Variants in FNIP2 observed in about 807,000 individuals in gnomAD.
The protein encoded by FNIP2 is folliculin interacting protein 2.
Under a neutral mutation model 108.7 loss-of-function variants are expected in FNIP2, and 32 were observed. The ratio of observed to expected loss-of-function variants is 0.29; its 90% confidence interval spans 0.22 to 0.40. FNIP2 has a LOEUF of 0.40. FNIP2 is among the 10% of genes least tolerant of loss of function. FNIP2 has a pLI of 1.00. For missense variants in FNIP2, 1,202 were observed against 1,381.6 expected (o/e 0.87, Z 2.06); for synonymous variants, 480 against 496.7 (o/e 0.97, Z 0.45).
Position 158,803,204 on chromosome 4 carries a change from A to G in FNIP2, c.108-22712A>G, listed in dbSNP as rs79874042. On this transcript the variant is annotated intron_variant, in intron 1 of 16. Transcript: ENST00000264433. ...CTTTGGATAACCCAAATTATCTTCTATGATACATGGATGAACTGTAGAAAG... is the reference window on the plus strand; with the variant it reads ...CTTTGGATAACCCAAATTATCTTCTGTGATACATGGATGAACTGTAGAAAG... Among the ~76,000 whole-genome samples, 419 of 152,356 alleles carry G rather than the reference A, an allele frequency of 2.8e-3. 3 individuals are homozygous for G. The highest frequency in any genetic ancestry group is 9.6e-3 in the African/African-American group (398 of 41,580).
chr4:158,839,912 A>G (rs977116949), intron 7 of FNIP2, among the ~76,000 whole-genome samples: 1 of 152,244 alleles, frequency 6.6e-6, no homozygotes, highest in African/African-American at 2.4e-5. Flanking sequence ...AAGCTGGGGC[A>G]GGTATGGAGG....
chr4:158,898,659 G>A (rs192082722), intron 16 of FNIP2, among the ~76,000 whole-genome samples: 16 of 152,278 alleles, frequency 1.1e-4, no homozygotes, highest in African/African-American at 2.2e-4. Flanking sequence ...GTATAGGAAC[G>A]CATGTGATTT....
In FNIP2 at chr4:158,869,251, G is replaced by A. The variant is rs2126705402; in HGVS notation, c.2615G>A (p.Cys872Tyr). The A allele has an allele frequency of 4.3e-6, 7 of 1,614,012 alleles. No individual in the cohort carries two copies. In the East Asian group the frequency reaches 1.1e-4, roughly 26 times the overall value. The change falls in exon 13 of 17, where the codon TGT (cysteine) becomes TAT (tyrosine). Residue 872 changes from cysteine to tyrosine, a missense_variant. By Grantham distance (194) the Cys-to-Tyr change is radical (BLOSUM62 -2). Transcript: ENST00000264433. Reference sequence around the variant, plus strand: ...CTCGTGGCTGGTGCGAATATCCCCTGTGGGGATGACAACAAGAAGGCCAAC... The same window carrying A: ...CTCGTGGCTGGTGCGAATATCCCCTATGGGGATGACAACAAGAAGGCCAAC... ...PGLVAGANIP[C>Y]GDDNKKANFR...
intron 7 of FNIP2, among the ~76,000 whole-genome samples, chr4:158,847,192 C>T (rs563945047): frequency 6.6e-6 from 1 of 152,318 alleles, no homozygotes; most frequent in Admixed American, 6.5e-5. Context: ...ACTGCAACTC[C>T]TGGGCCAGTT....
intron 16 of FNIP2, among the ~76,000 whole-genome samples, chr4:158,896,655 C>A (rs903632409): frequency 1.3e-5 from 2 of 152,096 alleles, no homozygotes; most frequent in African/African-American, 4.8e-5. Flanking sequence ...GAATGTGACG[C>A]CTGTGTTGTT....
At chr4:158,890,455 CAG>C in intron 14 of FNIP2, 1 of 679,472 alleles carries the variant, frequency 1.5e-6, no homozygotes, top group Non-Finnish European at 1.8e-6. Flanking sequence ...CTGCACAGGA[CAG>C]AGTCCAAGAC....
chr4:158,876,873 TG>T (rs1401427441), intron 14 of FNIP2, among the ~76,000 whole-genome samples: 2 of 152,218 alleles, frequency 1.3e-5, no homozygotes, highest in East Asian at 3.8e-4. Context: ...TAGACATGCC[TG>T]CAGCTCTGTG....
At chr4:158,832,472 C>T (rs1445726467) in intron 5 of FNIP2, among the ~76,000 whole-genome samples, 1 of 152,162 alleles carries the variant, frequency 6.6e-6, no homozygotes, top group Non-Finnish European at 1.5e-5. Context: ...AACTTAAACT[C>T]ATTTTGGCAT....
intron 12 of FNIP2, among the ~76,000 whole-genome samples, chr4:158,866,221 C>CTTTTTTTTTTTTTTTTTTTTTTTTT (rs34074378): frequency 1.7e-5 from 1 of 59,764 alleles, no homozygotes; most frequent in Non-Finnish European, 2.8e-5. Context: ...TCTGGTTATT[C>CTTTTTTTTTTTTTTTTTTTTTTTTT]TTTTTTTTTT....
At chr4:158,865,481 TA>T (rs1780527414) in intron 12 of FNIP2, among the ~76,000 whole-genome samples, 1 of 152,242 alleles carries the variant, frequency 6.6e-6, no homozygotes, top group Non-Finnish European at 1.5e-5. Context: ...TAAATGATTA[TA>T]AATTGTATTT....
rs548725930 is a variant in FNIP2 at position 158,833,861 on chromosome 4, G to A, written c.655+233G>A. ...GGGGTAGCTGAAGGAGGACCTCTCCGGCTCACCCGGAGTGCTTCTTTCTTT... is the reference window on the plus strand; with the variant it reads ...GGGGTAGCTGAAGGAGGACCTCTCCAGCTCACCCGGAGTGCTTCTTTCTTT... On this transcript the variant is annotated intron_variant, in intron 6 of 16. Transcript: ENST00000264433. The A allele has an allele frequency of 1.6e-5, 24 of 1,472,560 alleles. No individual in the cohort carries two copies. The Admixed American group carries it at 1.7e-4, about 10-fold the overall frequency. The allele number at this position is 1,472,560 out of a possible 1,614,324, so 91.2% of individuals were successfully genotyped here.
At chr4:158,889,343 C>T (rs1007190505) in intron 14 of FNIP2, among the ~76,000 whole-genome samples, 3 of 152,212 alleles carry the variant, frequency 2.0e-5, no homozygotes, top group Non-Finnish European at 4.4e-5. Flanking sequence ...TCTGATATAA[C>T]CTAAGCTTGC....
intron 8 of FNIP2, among the ~76,000 whole-genome samples, chr4:158,856,779 C>T (rs1218493301): frequency 1.3e-5 from 2 of 152,222 alleles, no homozygotes; most frequent in Non-Finnish European, 2.9e-5. Flanking sequence ...ATTTGCAGTA[C>T]AGCCTGTGTA....
chr4:158,822,562 A>AGTAAGT (rs1444919429), intron 1 of FNIP2, among the ~76,000 whole-genome samples: 4 of 152,084 alleles, frequency 2.6e-5, no homozygotes, highest in African/African-American at 9.7e-5. Context: ...CAGTGGTATG[A>AGTAAGT]TCATGGCTTA....
chr4:158,798,846 A>C (rs533084634), intron 1 of FNIP2, among the ~76,000 whole-genome samples: 1 of 152,364 alleles, frequency 6.6e-6, no homozygotes, highest in East Asian at 1.9e-4. Flanking sequence ...TAATGGCAAT[A>C]ATATGTATTT....
intron 1 of FNIP2, among the ~76,000 whole-genome samples, chr4:158,813,636 A>C (rs1777405499): frequency 6.6e-6 from 1 of 152,196 alleles, no homozygotes; most frequent in Non-Finnish European, 1.5e-5. Context: ...TTGTCTTCTC[A>C]TTCCCTTGAC....
Position 158,891,644 on chromosome 4 carries a change from T to C in FNIP2, c.3148T>C (p.Phe1050Leu). ...QLYKLHLPAD[F>L]CIMHLEDRLQ... ...CTATAAGCTTCACCTCCCTGCTGAT[T>C]TTGTAAGTACTGGTTCTTATATCAC... Residue 1050 changes from phenylalanine to leucine, a missense_variant and splice_region_variant, in exon 15 of 17, where the codon TTT (phenylalanine) becomes CTT (leucine). Phe to Leu is a conservative substitution (Grantham distance 22). Coordinates refer to ENST00000264433, the MANE Select transcript of FNIP2 (RefSeq NM_020840.3). The C allele has an allele frequency of 1.2e-6, 2 of 1,610,412 alleles. No individual in the cohort carries two copies. Among genetic ancestry groups the C allele is most frequent in the African/African-American group, 2.7e-5 (2 of 75,006 alleles).
intron 1 of FNIP2, among the ~76,000 whole-genome samples, chr4:158,787,519 A>G (rs1776262365): frequency 6.6e-6 from 1 of 152,232 alleles, no homozygotes; most frequent in Non-Finnish European, 1.5e-5. Flanking sequence ...CTACAGAGCT[A>G]GTTACCCATA....
intron 14 of FNIP2, among the ~76,000 whole-genome samples, chr4:158,876,063 A>C (rs34559553): frequency 6.6e-6 from 1 of 152,206 alleles, no homozygotes; most frequent in Non-Finnish European, 1.5e-5. Flanking sequence ...TCATATAAGC[A>C]TGTATGCCAG....
Sources: allele counts gnomAD v4.1 joint callset (sites outside exome capture counted in the v4.1 genomes callset), GRCh38; gene constraint gnomAD v4.1.1; transcripts MANE v1.5; gene names NCBI Gene and HGNC (gene_info 2026-07-23, HGNC 2026-07-21).